The following GPC3 variants were observed in gnomAD, a reference collection of about 807,000 sequenced individuals.
GPC3 encodes glypican 3.
In GPC3, 3 loss-of-function variants were observed where a neutral mutation model predicts 34.4. That is an observed-to-expected ratio of 0.09 (90% CI 0.04 to 0.23). The LOEUF is 0.23. Ranked by LOEUF, GPC3 falls within the 10% of genes least tolerant of loss-of-function variation. The pLI is 1.00. For synonymous variants in GPC3, 177 were observed against 174.0 expected (o/e 1.02, Z -0.13); for missense variants, 351 against 445.6 (o/e 0.79, Z 1.91).
chrX:133,658,459 T>C (rs1028315228), intron 6 of GPC3, among the ~76,000 whole-genome samples: 1 of 111,922 alleles, frequency 8.9e-6, no homozygotes, highest in Non-Finnish European at 1.9e-5. Context: ...GTAAATGCTA[T>C]ACAAAGAGAA....
In GPC3 at chrX:133,860,446, C is replaced by T. The variant is rs765225357; in HGVS notation, c.337+92604G>A. Among the ~76,000 whole-genome samples, 33 of 111,264 alleles carry T rather than the reference C, an allele frequency of 3.0e-4. 1 individual carries two copies. The highest frequency in any genetic ancestry group is 1.7e-3 in the Admixed American group (18 of 10,501). ...AAACTGAACAGCACTCGGGGAACAC[C>T]GAGTGAAAAACTATGACCACTAAAA... On this transcript the variant is annotated intron_variant, in intron 2 of 7. Transcript: ENST00000370818.
At chrX:133,595,444 C>A (rs2069902120) in intron 7 of GPC3, among the ~76,000 whole-genome samples, 1 of 111,911 alleles carries the variant, frequency 8.9e-6, no homozygotes, top group African/African-American at 3.2e-5. Flanking sequence ...ATATGGAATA[C>A]AAATTTAAGG....
intron 2 of GPC3, among the ~76,000 whole-genome samples, chrX:133,912,947 G>A (rs1045204241): frequency 1.8e-5 from 2 of 109,422 alleles, no homozygotes; most frequent in African/African-American, 3.3e-5. Context: ...CCAGCTACTC[G>A]GGAGTCTGAG....
chrX:133,939,402 A>G (rs2076335558), intron 2 of GPC3, among the ~76,000 whole-genome samples: 1 of 112,015 alleles, frequency 8.9e-6, no homozygotes, highest in Non-Finnish European at 1.9e-5. Flanking sequence ...TATAGTGTAT[A>G]TAAGCAAAAA....
chrX:133,717,000 G>A (rs776874288), intron 3 of GPC3, among the ~76,000 whole-genome samples: 7 of 109,813 alleles, frequency 6.4e-5, no homozygotes, highest in African/African-American at 2.3e-4. Flanking sequence ...TTGCTCTGTC[G>A]CCCAGGCTGG....
chrX:133,910,960 C>T lies in GPC3; in HGVS notation c.337+42090G>A, dbSNP rs189366945. Among the ~76,000 whole-genome samples, 15 of 111,599 alleles carry T rather than the reference C, an allele frequency of 1.3e-4. No individual in the cohort carries two copies. In the East Asian group the frequency reaches 3.4e-3, roughly 25 times the overall value. On this transcript the variant is annotated intron_variant, in intron 2 of 7. Transcript: ENST00000370818. ...GTCCAGATGGAGTGATGCTTCCAAGCGACCCTGTGTTCAACCTCACCTCCT... is the reference window on the plus strand; with the variant it reads ...GTCCAGATGGAGTGATGCTTCCAAGTGACCCTGTGTTCAACCTCACCTCCT...
chrX:133,609,705 T>C (rs747698775), intron 6 of GPC3, among the ~76,000 whole-genome samples: 162 of 112,336 alleles, frequency 1.4e-3, no homozygotes, highest in Admixed American at 3.4e-3. Flanking sequence ...CCTTACATGT[T>C]TTTTCCACAG....
intron 2 of GPC3, among the ~76,000 whole-genome samples, chrX:133,839,876 C>G (rs948359629): frequency 6.8e-4 from 67 of 97,929 alleles, no homozygotes; most frequent in African/African-American, 2.4e-3. Context: ...TGCAGTGAGC[C>G]GAGATCACGC....
chrX:133,548,121 T>C (rs1441112629), intron 7 of GPC3, among the ~76,000 whole-genome samples: 1 of 112,410 alleles, frequency 8.9e-6, no homozygotes, highest in Non-Finnish European at 1.9e-5. Context: ...TATTTAATCA[T>C]TTAGATTCAC....
chrX:133,887,383 T>A (rs2076066207), intron 2 of GPC3, among the ~76,000 whole-genome samples: 2 of 112,541 alleles, frequency 1.8e-5, no homozygotes, highest in South Asian at 3.7e-4. Context: ...TGAGGTGCTA[T>A]CTCATTGTGA....
At chrX:133,566,612 T>G (rs370261838) in intron 7 of GPC3, among the ~76,000 whole-genome samples, 1 of 112,073 alleles carries the variant, frequency 8.9e-6, no homozygotes, top group Non-Finnish European at 1.9e-5. Flanking sequence ...GAGTATCACA[T>G]TGAACATAAC....
chrX:133,862,374 C>T (rs2075940981), intron 2 of GPC3, among the ~76,000 whole-genome samples: 1 of 108,325 alleles, frequency 9.2e-6, no homozygotes, highest in Non-Finnish European at 1.9e-5. Flanking sequence ...GGCTGTATTG[C>T]TTCCTTTAAA....
At chrX:133,967,647 A>C (rs376482680) in intron 1 of GPC3, among the ~76,000 whole-genome samples, 17 of 111,636 alleles carry the variant, frequency 1.5e-4, no homozygotes, top group African/African-American at 5.2e-4. Flanking sequence ...TGTTTTTTTG[A>C]GACAAGATTT....
Position 133,909,441 on chromosome X carries a change from C to G in GPC3, c.337+43609G>C, listed in dbSNP as rs1420092574. Among the ~76,000 whole-genome samples the G allele has an allele frequency of 2.7e-5, 3 of 112,162 alleles. No individual in the cohort carries two copies. The South Asian group carries it at 1.1e-3, about 42-fold the overall frequency. Reference sequence around the variant, plus strand: ...CTACTAGGAGCTGTTTATCATTTACCTGTCTGATACTTTTTCCTCAACCCT... The same window carrying G: ...CTACTAGGAGCTGTTTATCATTTACGTGTCTGATACTTTTTCCTCAACCCT... On this transcript the variant is annotated intron_variant, in intron 2 of 7. Coordinates refer to ENST00000370818, the MANE Select transcript of GPC3 (RefSeq NM_004484.4).
rs747473592 is a variant in GPC3, at chrX:133,590,590, C to T, written c.1573+5850G>A. Among the ~76,000 whole-genome samples, 4 of 111,860 alleles carry T rather than the reference C, an allele frequency of 3.6e-5. No individual in the cohort carries two copies. The South Asian group carries it at 1.5e-3, about 42-fold the overall frequency. ...CCAGAAAGCCTGGAAACTACTAAAA[C>T]CTTCTTATTATTAGGTTGGCGCAAA... On this transcript the variant is annotated intron_variant, in intron 7 of 7. Transcript: ENST00000370818.
intron 2 of GPC3, among the ~76,000 whole-genome samples, chrX:133,785,342 C>T (rs184765987): frequency 9.0e-6 from 1 of 111,171 alleles, no homozygotes; most frequent in African/African-American, 3.3e-5. Flanking sequence ...CAAGCCATAG[C>T]TCTACTACTT....
chrX:133,826,067 C>T (rs977914633), intron 2 of GPC3, among the ~76,000 whole-genome samples: 4 of 111,472 alleles, frequency 3.6e-5, no homozygotes, highest in African/African-American at 1.3e-4. Flanking sequence ...AATCTGATTT[C>T]CAGAGTTACC....
chrX:133,700,848 C>T (rs1466134304), intron 3 of GPC3, among the ~76,000 whole-genome samples: 1 of 111,082 alleles, frequency 9.0e-6, no homozygotes, highest in Non-Finnish European at 1.9e-5. Context: ...TGCACTCCAG[C>T]CTGAGTGATA....
At chrX:133,658,006 C>T (rs750671222) in intron 6 of GPC3, among the ~76,000 whole-genome samples, 4 of 109,199 alleles carry the variant, frequency 3.7e-5, no homozygotes, top group Non-Finnish European at 5.7e-5. Context: ...GATGCAGCAC[C>T]GAGCAAGGGG....
Sources: allele counts gnomAD v4.1 joint callset (sites outside exome capture counted in the v4.1 genomes callset), GRCh38; gene constraint gnomAD v4.1.1; transcripts MANE v1.5; gene names NCBI Gene and HGNC (gene_info 2026-07-23, HGNC 2026-07-21).